The following NEDD4L variants were observed in gnomAD, a reference collection of about 807,000 sequenced individuals.
NEDD4L encodes the protein E3 ubiquitin-protein ligase NEDD4-like.
Under a neutral mutation model 148.9 loss-of-function variants are expected in NEDD4L, and 54 were observed. The observed-to-expected ratio is 0.36, with a 90% CI of 0.29 to 0.45. The LOEUF is 0.45. Ranked by LOEUF, NEDD4L falls within the 20% of genes least tolerant of loss-of-function variation. NEDD4L has a pLI of 1.00. For synonymous variants in NEDD4L, 433 were observed against 440.7 expected (o/e 0.98, Z 0.22); for missense variants, 856 against 1,233.8 (o/e 0.69, Z 4.59).
intron 2 of NEDD4L, among the ~76,000 whole-genome samples, chr18:58,173,157 A>G (rs73448476): frequency 0.071 from 10,847 of 152,306 alleles, 1,273 homozygotes; most frequent in African/African-American, 0.24. Context: ...TCATAGGCTT[A>G]AAGCAGTCAT....
At chr18:58,259,600 A>G (rs2148636933) in intron 5 of NEDD4L, among the ~76,000 whole-genome samples, 1 of 152,200 alleles carries the variant, frequency 6.6e-6, no homozygotes, top group East Asian at 1.9e-4. Flanking sequence ...TTCTAATCTC[A>G]TTGGTGTTAT....
intron 2 of NEDD4L, chr18:58,195,395 C>T (rs1389387993): frequency 5.6e-6 from 7 of 1,255,864 alleles, no homozygotes; most frequent in East Asian, 5.3e-5. Flanking sequence ...GAGGCACTTC[C>T]GTGTTCCCCA....
At chr18:58,349,014 C>T (rs2043508600) in intron 16 of NEDD4L, among the ~76,000 whole-genome samples, 1 of 152,194 alleles carries the variant, frequency 6.6e-6, no homozygotes, top group Non-Finnish European at 1.5e-5. Context: ...CCTGGAGTAG[C>T]CACGTGACTT....
At chr18:58,246,652 G>A (rs1456664269) in intron 3 of NEDD4L, among the ~76,000 whole-genome samples, 3 of 152,094 alleles carry the variant, frequency 2.0e-5, no homozygotes, top group South Asian at 2.1e-4. Context: ...TTTAGTAGAC[G>A]TGGGATTTTG....
Position 58,256,549 on chromosome 18 carries a change from C to T in NEDD4L, c.297+4495C>T. On this transcript the variant is annotated intron_variant, in intron 5 of 30. Transcript: ENST00000400345. The surrounding 1 kb of genome is among the most constrained non-coding windows in gnomAD (Gnocchi z 5.2). ...GGAGCCCCACGGAAGATCGGGGAGC[C>T]CTGGAGGCATCGCCTCGAGCTGGCA... is the stretch of plus-strand genomic sequence containing the variant. 1.6e-6 allele frequency: 2 copies of T among 1,232,320 alleles called. No homozygotes were observed. Among genetic ancestry groups the T allele is most frequent in the Non-Finnish European group, 1.0e-6 (1 of 988,124 alleles). The allele number at this position is 1,232,320 out of a possible 1,614,324, so 76.3% of individuals were successfully genotyped here.
rs375441190 is a variant in NEDD4L, at chr18:58,365,971, T to G, written c.1834-28T>G. 3.6e-5 allele frequency: 54 copies of G among 1,480,426 alleles called. No individual in the cohort carries two copies. In the African/African-American group the frequency reaches 6.0e-4, roughly 16 times the overall value. 91.7% of individuals were successfully genotyped at this position (1,480,426 alleles called of 1,614,324 possible). Reference sequence around the variant, plus strand: ...ACAAAGTGTGTATTTACTGTATGATTATGTGTTTTCTTTTGTCTTTTGTGT... The same window carrying G: ...ACAAAGTGTGTATTTACTGTATGATGATGTGTTTTCTTTTGTCTTTTGTGT... On this transcript the variant is annotated intron_variant, in intron 20 of 30. Coordinates refer to ENST00000400345, the MANE Select transcript of NEDD4L (RefSeq NM_001144967.3).
At position 58,342,990 on chromosome 18, in the gene NEDD4L, C is replaced by T; in HGVS notation, c.1462C>T (p.Pro488Ser). 1 of 1,613,936 alleles carries T rather than the reference C, an allele frequency of 6.2e-7. No individual in the cohort carries two copies. The highest frequency in any genetic ancestry group is 8.5e-7 in the Non-Finnish European group (1 of 1,179,856). ...QSPQPSPYNS[P>S]KPQHKVTQSF... Reference sequence around the variant, plus strand: ...CCCACAGCCATCACCTTACAACTCCCCCAAACCACAACACAAAGTCACACA... The same window carrying T: ...CCCACAGCCATCACCTTACAACTCCTCCAAACCACAACACAAAGTCACACA... Residue 488 changes from proline (P) to serine (S), a missense_variant, in exon 16 of 31, where the codon CCC becomes TCC. By Grantham distance (74) the Pro-to-Ser change is moderately conservative. Around this residue, in one of 4 missense-constraint regions of NEDD4L, gnomAD observed 367 missense variants for 422.7 expected, o/e 0.87. Transcript: ENST00000400345.
intron 22 of NEDD4L, among the ~76,000 whole-genome samples, chr18:58,368,953 A>G (rs1157088371): frequency 6.6e-6 from 1 of 152,250 alleles, no homozygotes; most frequent in Admixed American, 6.5e-5. Context: ...AAGTGAGAAG[A>G]TGCTGTTAGT....
At chr18:58,109,561 G>GTTTTTT (rs772954089) in intron 1 of NEDD4L, among the ~76,000 whole-genome samples, 4 of 135,968 alleles carry the variant, frequency 2.9e-5, no homozygotes, top group African/African-American at 5.7e-5. Context: ...CAACTAGGAG[G>GTTTTTT]TTTTTTTTTT....
At chr18:58,239,137 T>A (rs1195921372) in intron 2 of NEDD4L, among the ~76,000 whole-genome samples, 2 of 152,224 alleles carry the variant, frequency 1.3e-5, no homozygotes, top group Non-Finnish European at 2.9e-5. Context: ...AAATCTTTAG[T>A]GTGTCAGGTA....
At chr18:58,318,973 C>G (rs2058535346) in intron 6 of NEDD4L, among the ~76,000 whole-genome samples, 1 of 152,190 alleles carries the variant, frequency 6.6e-6, no homozygotes, top group African/African-American at 2.4e-5. Context: ...TTAAATTTTC[C>G]TAGATGAGGC....
intron 2 of NEDD4L, among the ~76,000 whole-genome samples, chr18:58,243,646 C>T (rs2046909567): frequency 6.6e-6 from 1 of 152,182 alleles, no homozygotes; most frequent in South Asian, 2.1e-4. Flanking sequence ...CATGGGCACC[C>T]ATTAGGAAGG....
intron 2 of NEDD4L, among the ~76,000 whole-genome samples, chr18:58,220,400 C>CAAAA (rs36046684): frequency 6.8e-6 from 1 of 147,152 alleles, no homozygotes; most frequent in African/African-American, 2.5e-5. Context: ...GACCCTATCT[C>CAAAA]AAAAAAAAAA....
chr18:58,343,814 T>C (rs1033338995), intron 16 of NEDD4L, among the ~76,000 whole-genome samples: 2 of 152,266 alleles, frequency 1.3e-5, no homozygotes, highest in South Asian at 4.1e-4. Flanking sequence ...TTTATTTCTT[T>C]AGCCGAATCG....
Position 58,373,160 on chromosome 18 carries a change from G to C in NEDD4L, c.2257-14G>C. 6.9e-7 allele frequency: 1 copy of C among 1,450,734 alleles called. No homozygotes were observed. The highest frequency in any genetic ancestry group is 9.5e-7 in the Non-Finnish European group (1 of 1,052,718). 89.9% of individuals were successfully genotyped at this position (1,450,734 alleles called of 1,614,324 possible). ...GAAAAAATGCTGAATTTTCACTCCT[G>C]TGTCATTCTGTAGGATAGTGAATAT... is the stretch of plus-strand genomic sequence containing the variant. On this transcript the variant is annotated splice_polypyrimidine_tract_variant and intron_variant, in intron 23 of 30. Transcript: ENST00000400345.
At chr18:58,218,727 C>A (rs1015565193) in intron 2 of NEDD4L, among the ~76,000 whole-genome samples, 1 of 152,168 alleles carries the variant, frequency 6.6e-6, no homozygotes, top group Admixed American at 6.5e-5. Flanking sequence ...TCAGTAGTGC[C>A]CCGGTAAAAG....
chr18:58,138,324 TTCTTCCCTCCCCTCCTCC>T (rs751189848), intron 1 of NEDD4L, among the ~76,000 whole-genome samples: 1,265 of 111,040 alleles, frequency 0.011, 19 homozygotes, highest in Non-Finnish European at 0.017. Context: ...CCTTCTTTCC[TTCTTCCCTCCCCTCCTCC>T]TCTTCCCTCC....
At chr18:58,378,661 G>A (rs1181401212) in intron 24 of NEDD4L, among the ~76,000 whole-genome samples, 8 of 152,190 alleles carry the variant, frequency 5.3e-5, no homozygotes, top group African/African-American at 1.9e-4. Flanking sequence ...GGGGTGCAGG[G>A]TGCTGACTGC....
intron 5 of NEDD4L, among the ~76,000 whole-genome samples, chr18:58,272,761 G>A (rs1305308306): frequency 2.6e-5 from 4 of 152,232 alleles, no homozygotes; most frequent in East Asian, 1.9e-4. Context: ...GGACACTTCT[G>A]AATTCCTTCT....
Sources: gnomAD v4.1 joint callset for allele counts (sites outside exome capture counted in the v4.1 genomes callset) on GRCh38, gnomAD v4.1.1 for gene constraint, gnomAD v4.1.1 regional missense constraint, Gnocchi (gnomAD v3.1) non-coding constraint, MANE v1.5 for transcripts, NCBI Gene and HGNC (gene_info 2026-07-23, HGNC 2026-07-21) for gene names.